RABL3: variants seen among roughly 807,000 people sequenced by gnomAD.
RABL3 encodes the protein rab-like protein 3.
RABL3 carries 31 observed loss-of-function variants against 31.8 expected under a neutral mutation model. The ratio of observed to expected loss-of-function variants is 0.97; its 90% CI spans 0.73 to 1.31. The LOEUF (loss-of-function observed/expected upper bound fraction) is 1.31, where lower values mean the gene tolerates loss of function less well. Among genes scored for constraint, RABL3 ranks in the 40% most tolerant of loss-of-function variants. The probability of loss-of-function intolerance (pLI) is 0.00; values close to 1 mark genes in which losing one functional copy is unlikely to be tolerated. For missense variants in RABL3, 263 were observed against 279.6 expected (o/e 0.94, Z 0.42); for synonymous variants, 97 against 99.9 (o/e 0.97, Z 0.18).
chr3:120,719,027 TATA>T (rs1396367016), intron 2 of RABL3, among the ~76,000 whole-genome samples: 2 of 152,206 alleles, frequency 1.3e-5, no homozygotes, highest in Admixed American at 6.5e-5. Flanking sequence ...TGTTGGAGAT[TATA>T]ATACTTATTC....
intron 2 of RABL3, among the ~76,000 whole-genome samples, chr3:120,716,338 CCTTTT>C (rs1242687508): frequency 2.0e-5 from 3 of 152,132 alleles, no homozygotes; most frequent in South Asian, 4.1e-4. Context: ...AACTTTTCTT[CCTTTT>C]CTTTTCAATT....
In RABL3 at chr3:120,712,487, A is replaced by T. The variant is rs190852865; in HGVS notation, c.139-2578T>A. 6.6e-5 allele frequency among the ~76,000 whole-genome samples: 10 copies of T among 152,284 alleles called. No individual in the cohort carries two copies. The East Asian group carries it at 1.9e-3, about 29-fold the overall frequency. ...AGCAGTATGAGGTCTTATAAAGAGT[A>T]AGTTATCTGTTATGAAAAAGCTCAG... On this transcript the variant is annotated intron_variant, in intron 2 of 7. Coordinates refer to ENST00000273375, the MANE Select transcript of RABL3 (RefSeq NM_173825.5).
intron 3 of RABL3, among the ~76,000 whole-genome samples, chr3:120,708,408 A>C (rs1270145646): frequency 6.6e-6 from 1 of 152,000 alleles, no homozygotes. Context: ...TCAGAATTCC[A>C]TAGCTTCTAG....
intron 3 of RABL3, among the ~76,000 whole-genome samples, chr3:120,707,753 A>G (rs1708567936): frequency 6.6e-6 from 1 of 152,098 alleles, no homozygotes; most frequent in South Asian, 2.1e-4. Context: ...TGGCTATTAG[A>G]TGGACAGGGA....
intron 1 of RABL3, among the ~76,000 whole-genome samples, chr3:120,742,203 C>A (rs888629800): frequency 6.7e-6 from 1 of 148,874 alleles, no homozygotes; most frequent in Non-Finnish European, 1.5e-5. Context: ...ACACTCTAGG[C>A]TGGGGTCGCC....
chr3:120,706,041 G>A lies in RABL3; in HGVS notation c.342C>T (p.Leu114=). 6.2e-7 allele frequency: 1 copy of A among 1,613,800 alleles called. No individual in the cohort carries two copies. Among genetic ancestry groups the A allele is most frequent in the Admixed American group, 1.7e-5 (1 of 60,014 alleles). The change falls in exon 4 of 8, where the codon CTC becomes CTT. Residue 114 remains leucine, a synonymous_variant. Coordinates refer to ENST00000273375, the MANE Select transcript of RABL3 (RefSeq NM_173825.5). The part of the protein sequence containing the change: ...QNLRRWSLEA[L]NRDLVPTGVL... Reference sequence around the variant, plus strand: ...CTCCAGTTGGCACCAAATCCCTGTTGAGAGCTTCCAATGACCAACGACGCA... The same window carrying A: ...CTCCAGTTGGCACCAAATCCCTGTTAAGAGCTTCCAATGACCAACGACGCA...
At chr3:120,741,687 T>C (rs1318588065) in intron 1 of RABL3, among the ~76,000 whole-genome samples, 2 of 152,162 alleles carry the variant, frequency 1.3e-5, no homozygotes, top group African/African-American at 4.8e-5. Context: ...TAAAAAAATA[T>C]ATATATATTT....
At chr3:120,737,591 G>A (rs752485279) in intron 1 of RABL3, among the ~76,000 whole-genome samples, 8 of 152,206 alleles carry the variant, frequency 5.3e-5, no homozygotes, top group Non-Finnish European at 8.8e-5. Context: ...TGCAGGGGGA[G>A]AGGTGCTCTG....
At chr3:120,717,612 G>A (rs1162051658) in intron 2 of RABL3, among the ~76,000 whole-genome samples, 12 of 152,090 alleles carry the variant, frequency 7.9e-5, no homozygotes. Flanking sequence ...AGGATTACAG[G>A]TGTGTGCCAC....
At chr3:120,727,932 TA>T (rs1708841281) in intron 2 of RABL3, among the ~76,000 whole-genome samples, 1 of 152,186 alleles carries the variant, frequency 6.6e-6, no homozygotes, top group Non-Finnish European at 1.5e-5. Flanking sequence ...GACATTTCTT[TA>T]ATCTAATCAA....
chr3:120,730,636 T>C, intron 2 of RABL3, 60 bp downstream of exon 2: 2 of 1,111,656 alleles, frequency 1.8e-6, no homozygotes, highest in African/African-American at 1.6e-5. Flanking sequence ...TTTGATCATG[T>C]AATTTGAAGC....
At position 120,688,524 on chromosome 3, in the gene RABL3, C is replaced by T. The variant is rs969823457; in HGVS notation, c.*1299G>A. 2 of 152,132 alleles carry T rather than the reference C, an allele frequency of 1.3e-5. No homozygotes were observed. Among genetic ancestry groups the T allele is most frequent in the African/African-American group, 4.8e-5 (2 of 41,406 alleles). The allele number at this position is 152,132 out of a possible 1,614,324, so 9.4% of individuals were successfully genotyped here. A position where few individuals can be genotyped will look rare whatever the true frequency, so the allele number is the denominator to read the frequency against. On this transcript the variant is annotated 3_prime_UTR_variant, in exon 8 of 8. Transcript: ENST00000273375. ...TTGATTTCCAAGATACTTCTGAAAC[C>T]TAATTAAAATGGAACAGAAAGTGAA...
intron 2 of RABL3, among the ~76,000 whole-genome samples, chr3:120,728,598 T>C (rs912449639): frequency 1.3e-5 from 2 of 152,122 alleles, no homozygotes; most frequent in African/African-American, 4.8e-5. Context: ...ATATACCTAA[T>C]GCTAAATGAC....
chr3:120,701,364 C>G (rs1708489706), intron 4 of RABL3, among the ~76,000 whole-genome samples: 1 of 152,124 alleles, frequency 6.6e-6, no homozygotes, highest in South Asian at 2.1e-4. Flanking sequence ...CAACAAAGCA[C>G]ACCAATGTAT....
intron 1 of RABL3, among the ~76,000 whole-genome samples, chr3:120,731,778 A>G (rs947743590): frequency 6.6e-6 from 1 of 152,202 alleles, no homozygotes; most frequent in Non-Finnish European, 1.5e-5. Context: ...AGGGCCAGGC[A>G]CGGTGGCTCA....
chr3:120,706,021 G>C lies in RABL3; in HGVS notation c.362C>G (p.Thr121Ser), dbSNP rs1377764822. The C allele has an allele frequency of 2.5e-6, 4 of 1,612,124 alleles. No homozygotes were observed. The highest frequency in any genetic ancestry group is 3.4e-6 in the Non-Finnish European group (4 of 1,178,186). The change falls in exon 4 of 8, where the codon ACT (threonine) becomes AGT (serine). Residue 121 changes from threonine (T) to serine (S), a missense_variant. Thr to Ser is a moderately conservative substitution (Grantham distance 58, BLOSUM62 1). Transcript: ENST00000273375. ...LEALNRDLVPTGVLVTNGDYD... is the reference protein window; with the variant it reads ...LEALNRDLVPSGVLVTNGDYD... Reference sequence around the variant, plus strand: ...TCACCCATTTGTCACCAAGACTCCAGTTGGCACCAAATCCCTGTTGAGAGC... The same window carrying C: ...TCACCCATTTGTCACCAAGACTCCACTTGGCACCAAATCCCTGTTGAGAGC...
intron 2 of RABL3, among the ~76,000 whole-genome samples, chr3:120,728,143 T>A (rs1293981012): frequency 6.6e-6 from 1 of 152,002 alleles, no homozygotes; most frequent in East Asian, 1.9e-4. Context: ...GAATGGGCAC[T>A]GGGTGGGGAT....
At chr3:120,726,488 C>T (rs923343057) in intron 2 of RABL3, among the ~76,000 whole-genome samples, 1 of 152,092 alleles carries the variant, frequency 6.6e-6, no homozygotes, top group Non-Finnish European at 1.5e-5. Context: ...GGGCCAGGCA[C>T]AGTGGCTCAT....
rs575545535 is a variant in RABL3 at position 120,694,216 on chromosome 3, T to C, written c.543A>G (p.Thr181=). ...AACCTGCAGCTAAGTACCGTGGATT[T>C]GTGCAGTCCTAGAAGATAAAACATA... ...FNPEEINLDC[T]NPRYLAAGSS... Residue 181 remains threonine, a synonymous_variant, in exon 6 of 8, where the codon ACA becomes ACG. Coordinates refer to ENST00000273375, the MANE Select transcript of RABL3 (RefSeq NM_173825.5). 1.9e-6 allele frequency: 3 copies of C among 1,609,614 alleles called. No homozygotes were observed. In the South Asian group the frequency reaches 3.3e-5, roughly 18 times the overall value.
Sources: gnomAD v4.1 joint callset for allele counts (sites outside exome capture counted in the v4.1 genomes callset) on GRCh38, gnomAD v4.1.1 for gene constraint, MANE v1.5 for transcripts, NCBI Gene and HGNC (gene_info 2026-07-23, HGNC 2026-07-21) for gene names.